The following MAST2 variants were observed in gnomAD, a reference collection of about 807,000 sequenced individuals.
MAST2 encodes the protein microtubule associated serine/threonine kinase 2.
In MAST2, 70 loss-of-function variants were observed where a neutral mutation model predicts 147.4. That is an observed-to-expected ratio of 0.47 (90% confidence interval 0.39 to 0.58). MAST2 has a LOEUF of 0.58. MAST2 is among the 20% of genes least tolerant of loss of function. The pLI, the probability that MAST2 is intolerant of heterozygous loss-of-function variation, is 0.00. For missense variants in MAST2, 2,080 were observed against 2,302.3 expected (o/e 0.90, Z 1.98); for synonymous variants, 869 against 896.8 (o/e 0.97, Z 0.55).
Position 45,829,484 on chromosome 1 carries a change from G to A in MAST2, c.371G>A (p.Gly124Glu). 6.2e-7 allele frequency: 1 copy of A among 1,614,190 alleles called. No individual in the cohort carries two copies. The highest frequency in any genetic ancestry group is 1.1e-5 in the South Asian group (1 of 91,088). The change falls in exon 3 of 29, where the codon GGA (glycine) becomes GAA (glutamate). Residue 124 changes from glycine (G) to glutamate (E), a missense_variant. By Grantham distance (98) the Gly-to-Glu change is moderately conservative. Coordinates refer to ENST00000361297, the MANE Select transcript of MAST2 (RefSeq NM_015112.3). The stretch of plus-strand genomic sequence containing the variant: ...TCCAGCAGTGTACATAGCAGTGTGG[G>A]ACAGGTGACTTGGCAGTCGTCAGGA... ...PLSSSVHSSV[G>E]QVTWQSSGEA...
intron 1 of MAST2, 46 bp from the exon 2 acceptor site, chr1:45,824,387 A>C (rs781003215): frequency 1.4e-6 from 2 of 1,478,804 alleles, no homozygotes; most frequent in Non-Finnish European, 1.8e-6. Context: ...TTTATACTTC[A>C]GAGGAGATAT....
At chr1:45,863,829 A>G (rs967119353) in intron 3 of MAST2, among the ~76,000 whole-genome samples, 13 of 152,202 alleles carry the variant, frequency 8.5e-5, no homozygotes, top group African/African-American at 2.9e-4. Flanking sequence ...GTAGGAGAGT[A>G]ATTATTGTAG....
chr1:45,993,644 A>G (rs1185237564), intron 5 of MAST2, among the ~76,000 whole-genome samples: 4 of 152,132 alleles, frequency 2.6e-5, no homozygotes, highest in Non-Finnish European at 5.9e-5. Context: ...AGGTTGCGCC[A>G]TTGCACTCCT....
At chr1:45,966,438 A>C (rs1006258177) in intron 5 of MAST2, among the ~76,000 whole-genome samples, 4 of 152,194 alleles carry the variant, frequency 2.6e-5, no homozygotes, top group Non-Finnish European at 4.4e-5. Context: ...AAAAAAAAAA[A>C]AAAACTCTTC....
At chr1:45,868,580 T>G (rs913633144) in intron 3 of MAST2, among the ~76,000 whole-genome samples, 1 of 152,022 alleles carries the variant, frequency 6.6e-6, no homozygotes, top group African/African-American at 2.4e-5. Context: ...ACGAGAGTAC[T>G]TAGAGTGTCA....
At chr1:45,841,495 C>T (rs1198026780) in intron 3 of MAST2, among the ~76,000 whole-genome samples, 3 of 151,694 alleles carry the variant, frequency 2.0e-5, no homozygotes, top group African/African-American at 4.8e-5. Flanking sequence ...GTAAGAAATA[C>T]ATGTATTCCT....
intron 3 of MAST2, among the ~76,000 whole-genome samples, chr1:45,877,780 C>T (rs1570494539): frequency 1.3e-5 from 2 of 151,640 alleles, no homozygotes; most frequent in Admixed American, 6.6e-5. Context: ...TTTAGGAGAC[C>T]GGCATAATTG....
chr1:45,975,552 C>T (rs555149778), intron 5 of MAST2, among the ~76,000 whole-genome samples: 18 of 148,312 alleles, frequency 1.2e-4, no homozygotes, highest in African/African-American at 4.5e-4. Context: ...CTTGTAGTCC[C>T]AGCTGCTCAG....
intron 3 of MAST2, among the ~76,000 whole-genome samples, chr1:45,849,341 G>A (rs928467484): frequency 3.9e-5 from 6 of 151,978 alleles, no homozygotes; most frequent in Non-Finnish European, 8.8e-5. Flanking sequence ...TGTACTATAG[G>A]GATACAGTAA....
intron 5 of MAST2, among the ~76,000 whole-genome samples, chr1:45,971,624 A>G (rs1643917431): frequency 1.3e-5 from 2 of 152,214 alleles, no homozygotes; most frequent in Admixed American, 6.5e-5. Context: ...CATCATGCTC[A>G]CTGTAGAGGA....
intron 2 of MAST2, among the ~76,000 whole-genome samples, chr1:45,826,744 A>G (rs966119504): frequency 6.6e-6 from 1 of 152,158 alleles, no homozygotes; most frequent in East Asian, 1.9e-4. Context: ...TATCTGCTTT[A>G]GATTTCCCCA....
At chr1:45,945,314 T>C (rs1657870344) in intron 4 of MAST2, among the ~76,000 whole-genome samples, 1 of 152,108 alleles carries the variant, frequency 6.6e-6, no homozygotes, top group African/African-American at 2.4e-5. Flanking sequence ...AAGACTGTGT[T>C]TTCTGATCAT....
chr1:45,976,510 A>G (rs1418675192), intron 5 of MAST2, among the ~76,000 whole-genome samples: 1 of 152,204 alleles, frequency 6.6e-6, no homozygotes, highest in Non-Finnish European at 1.5e-5. Flanking sequence ...ACATGTGAGA[A>G]GAATGCAAGG....
rs769963617 is a variant in MAST2, at chr1:46,032,182, C to A, written c.3192C>A (p.His1064Gln). 1 of 1,613,974 alleles carries A rather than the reference C, an allele frequency of 6.2e-7. No individual in the cohort carries two copies. The highest frequency in any genetic ancestry group is 8.5e-7 in the Non-Finnish European group (1 of 1,179,870). Residue 1064 changes from histidine (H) to glutamine (Q), a missense_variant, in exon 25 of 29, where the codon CAC becomes CAA. Coordinates refer to ENST00000361297, the MANE Select transcript of MAST2 (RefSeq NM_015112.3). ...TCCTGGCTTCTCCTTCTCCAGAACACCACACCTGCTCCCCGTTGGCCAGCC... is the reference window on the plus strand; with the variant it reads ...TCCTGGCTTCTCCTTCTCCAGAACAACACACCTGCTCCCCGTTGGCCAGCC... ...TALSLLIPSE[H>Q]HTCSPLASPM...
rs540769786 is a variant in MAST2 at position 45,941,619 on chromosome 1, G to A, written c.501-17767G>A. On this transcript the variant is annotated intron_variant, in intron 4 of 28. Transcript: ENST00000361297. ...CTACATATAGGATTGTTTTGTGTGT[G>A]AATGATAACAGTTTTACTTATCTTC... 2.0e-5 allele frequency among the ~76,000 whole-genome samples: 3 copies of A among 152,182 alleles called. No homozygotes were observed. In the East Asian group the frequency reaches 5.8e-4, roughly 29 times the overall value.
intron 3 of MAST2, among the ~76,000 whole-genome samples, chr1:45,861,128 T>C (rs1457891893): frequency 6.6e-6 from 1 of 152,244 alleles, no homozygotes; most frequent in African/African-American, 2.4e-5. Flanking sequence ...CTTTTCTTCC[T>C]GTCTTTTCGT....
intron 3 of MAST2, chr1:45,865,102 T>C (rs1171545745): frequency 1.5e-5 from 7 of 456,624 alleles, no homozygotes; most frequent in Non-Finnish European, 3.1e-5. Flanking sequence ...ATATCTATTA[T>C]GGATGATTCC....
chr1:45,822,236 T>C (rs1168624939), intron 1 of MAST2, among the ~76,000 whole-genome samples: 2 of 152,188 alleles, frequency 1.3e-5, no homozygotes, highest in Non-Finnish European at 2.9e-5. Flanking sequence ...CTGTTCAATT[T>C]GTGAAAATTC....
intron 10 of MAST2, among the ~76,000 whole-genome samples, chr1:46,017,187 A>G: frequency 6.6e-6 from 1 of 152,188 alleles, no homozygotes; most frequent in Non-Finnish European, 1.5e-5. Flanking sequence ...AGATGGATTA[A>G]AGACTTAAAC....
Sources: allele counts gnomAD v4.1 joint callset (sites outside exome capture counted in the v4.1 genomes callset), GRCh38; gene constraint gnomAD v4.1.1; transcripts MANE v1.5; gene names NCBI Gene and HGNC (gene_info 2026-07-23, HGNC 2026-07-21).